The following AFF3 variants were observed in gnomAD, a reference collection of about 807,000 sequenced individuals.
The protein encoded by AFF3 is ALF transcription elongation factor 3, also known as AF4/FMR2 family member 3.
Under a neutral mutation model 129.7 loss-of-function variants are expected in AFF3, and 32 were observed. The observed-to-expected ratio is 0.25, with a 90% CI of 0.19 to 0.33. The LOEUF is 0.33. Ranked by LOEUF, AFF3 falls within the 10% of genes least tolerant of loss-of-function variation. The probability of loss-of-function intolerance (pLI) is 1.00; values close to 1 mark genes in which losing one functional copy is unlikely to be tolerated. For synonymous variants in AFF3, 644 were observed against 635.4 expected, an observed-to-expected ratio of 1.01 and a Z score of -0.20; for missense variants, 1,373 against 1,592.0, an observed-to-expected ratio of 0.86 and a Z score of 2.34.
At chr2:99,881,808 TG>T (rs1429810881) in intron 7 of AFF3, among the ~76,000 whole-genome samples, 1 of 152,208 alleles carries the variant, frequency 6.6e-6, no homozygotes, top group African/African-American at 2.4e-5. Context: ...CAACCATTAA[TG>T]ATAAAAGAAG....
At chr2:99,572,533 G>A (rs1676596321) in intron 18 of AFF3, 1 of 448,798 alleles carries the variant, frequency 2.2e-6, no homozygotes, top group Admixed American at 2.4e-5. Flanking sequence ...AAACTGGCAG[G>A]GATGAGAGCT....
intron 7 of AFF3, among the ~76,000 whole-genome samples, chr2:99,843,714 C>A (rs1432734397): frequency 6.6e-6 from 1 of 152,046 alleles, no homozygotes; most frequent in African/African-American, 2.4e-5. Flanking sequence ...ATTTTAAAAT[C>A]GTTAATAATT....
intron 11 of AFF3, among the ~76,000 whole-genome samples, chr2:99,711,507 G>A (rs535525060): frequency 6.6e-6 from 1 of 152,268 alleles, no homozygotes; most frequent in Admixed American, 6.5e-5. Flanking sequence ...GAGGCATGCG[G>A]GTGCAAAGAG....
At position 99,743,632 on chromosome 2, in the gene AFF3, TTAGA is replaced by T. The variant is rs141681083; in HGVS notation, c.1039+468_1039+471del. Reference sequence around the variant, plus strand: ...ACCAATTCAATAAGGAAACTGCTTCTTAGATAGTTGAGTCTGTCTATTTCTGGAA... The same window carrying T: ...ACCAATTCAATAAGGAAACTGCTTCTTAGTTGAGTCTGTCTATTTCTGGAA... On this transcript the variant is annotated intron_variant, in intron 10 of 24. Coordinates refer to ENST00000672756, the MANE Select transcript of AFF3 (RefSeq NM_001386135.1). Among the ~76,000 whole-genome samples, 1,061 of 152,346 alleles carry T rather than the reference TTAGA, an allele frequency of 7.0e-3. 9 individuals are homozygous for T. Among genetic ancestry groups the T allele is most frequent in the African/African-American group, 0.024 (1,000 of 41,576 alleles).
chr2:99,898,474 T>C (rs1474194891), intron 7 of AFF3, among the ~76,000 whole-genome samples: 3 of 152,134 alleles, frequency 2.0e-5, no homozygotes, highest in African/African-American at 7.2e-5. Context: ...GCCCATCGCC[T>C]AGGAGAAGCT....
chr2:99,996,527 ATT>A (rs756231548), intron 7 of AFF3, among the ~76,000 whole-genome samples: 207 of 114,064 alleles, frequency 1.8e-3, no homozygotes, highest in Admixed American at 2.8e-3. Context: ...CGCCCGGCTA[ATT>A]TTTTTTTTTT....
At chr2:99,997,517 C>T (rs1052451675) in intron 7 of AFF3, among the ~76,000 whole-genome samples, 3 of 150,776 alleles carry the variant, frequency 2.0e-5, no homozygotes, top group Non-Finnish European at 4.4e-5. Context: ...AAGCCATGTT[C>T]CACTTCTCCC....
At position 99,546,082 on chromosome 2, in the gene AFF3, G is replaced by A. The variant is rs1674065674; in HGVS notation, c.*5392C>T. 1 of 227,638 alleles carries A rather than the reference G, an allele frequency of 4.4e-6. No individual in the cohort carries two copies. Among genetic ancestry groups the A allele is most frequent in the East Asian group, 6.3e-5 (1 of 15,840 alleles). 14.1% of individuals were successfully genotyped at this position (227,638 alleles called of 1,614,324 possible). The stretch of plus-strand genomic sequence containing the variant: ...CTGGTTCCAAATGGTTGGAAGTGCA[G>A]TTTATGTGGTCAGGTTGTTTTTCCC... On this transcript the variant is annotated 3_prime_UTR_variant, in exon 25 of 25. Coordinates refer to ENST00000672756, the MANE Select transcript of AFF3 (RefSeq NM_001386135.1).
At chr2:100,140,745 C>G (rs1437963717) in intron 1 of AFF3, among the ~76,000 whole-genome samples, 1 of 152,152 alleles carries the variant, frequency 6.6e-6, no homozygotes, top group Non-Finnish European at 1.5e-5. Context: ...GCCCACAGAG[C>G]TCCAGAACAT....
chr2:99,972,295 C>T (rs1415787285), intron 7 of AFF3, among the ~76,000 whole-genome samples: 1 of 152,048 alleles, frequency 6.6e-6, no homozygotes, highest in Non-Finnish European at 1.5e-5. Flanking sequence ...AAAGATCTAT[C>T]CAGCAGAAAC....
intron 11 of AFF3, among the ~76,000 whole-genome samples, chr2:99,673,001 GT>G (rs1687301681): frequency 6.6e-6 from 1 of 151,270 alleles, no homozygotes; most frequent in South Asian, 2.1e-4. Flanking sequence ...TTGAATCCCT[GT>G]ATCAAAATAT....
chr2:99,573,232 G>A (rs749810153), intron 18 of AFF3, among the ~76,000 whole-genome samples: 14 of 151,734 alleles, frequency 9.2e-5, no homozygotes, highest in East Asian at 3.9e-4. Context: ...CCTGTCCCCC[G>A]CACCCCTTTG....
At chr2:100,103,802 A>G (rs1030734138) in intron 4 of AFF3, among the ~76,000 whole-genome samples, 12 of 151,920 alleles carry the variant, frequency 7.9e-5, no homozygotes, top group Admixed American at 7.2e-4. Context: ...AACCCCGAGG[A>G]AAGGAGTCTC....
rs924046836 is a variant in AFF3, at chr2:99,956,441, AG to A, written c.873+50190del. Among the ~76,000 whole-genome samples the A allele has an allele frequency of 9.2e-5, 14 of 151,556 alleles. No individual in the cohort carries two copies. The East Asian group carries it at 9.7e-4, about 10-fold the overall frequency. On this transcript the variant is annotated intron_variant, in intron 7 of 24. Coordinates refer to ENST00000672756, the MANE Select transcript of AFF3 (RefSeq NM_001386135.1). ...TGATATCAAAAGCCACTGAAGTTGG[AG>A]GGGGGGGCTGTTTGTTACCGAAGCA...
intron 8 of AFF3, among the ~76,000 whole-genome samples, chr2:99,787,845 G>A (rs1246926777): frequency 1.3e-5 from 2 of 152,186 alleles, no homozygotes; most frequent in Non-Finnish European, 2.9e-5. Flanking sequence ...TTCCTTATCA[G>A]CAAACGCCTC....
chr2:99,707,242 C>T, intron 11 of AFF3: 1 of 985,324 alleles, frequency 1.0e-6, no homozygotes, highest in Non-Finnish European at 1.2e-6. Flanking sequence ...AGTGTCATAT[C>T]TGTGACATGT....
intron 2 of AFF3, among the ~76,000 whole-genome samples, chr2:100,116,278 C>CT (rs35533043): frequency 1.2e-4 from 18 of 146,614 alleles, no homozygotes; most frequent in African/African-American, 2.2e-4. Flanking sequence ...TCTATGTTTG[C>CT]TTTTTTTTTT....
chr2:99,777,326 G>A (rs564322733), intron 8 of AFF3, among the ~76,000 whole-genome samples: 202 of 152,206 alleles, frequency 1.3e-3, no homozygotes, highest in Non-Finnish European at 2.1e-3. Flanking sequence ...TCTCCACAAC[G>A]TTTGCTTGAT....
intron 4 of AFF3, among the ~76,000 whole-genome samples, chr2:100,094,073 T>A (rs571650526): frequency 6.6e-6 from 1 of 152,202 alleles, no homozygotes; most frequent in Non-Finnish European, 1.5e-5. Flanking sequence ...TAGAGCTGTA[T>A]CCTCCTTTAA....
Sources: allele counts gnomAD v4.1 joint callset (sites outside exome capture counted in the v4.1 genomes callset), GRCh38; gene constraint gnomAD v4.1.1; transcripts MANE v1.5; gene names NCBI Gene and HGNC (gene_info 2026-07-23, HGNC 2026-07-21).